The following TDP1 variants were observed in gnomAD, a reference collection of about 807,000 sequenced individuals.
The protein encoded by TDP1 is tyr-DNA phosphodiesterase 1.
A neutral mutation model predicts 81.5 loss-of-function variants in TDP1; 64 were observed. The observed-to-expected ratio is 0.79, with a 90% CI of 0.64 to 0.97. TDP1 has a LOEUF of 0.97. Ranked by LOEUF, TDP1 falls within the 50% of genes least tolerant of loss-of-function variation. The pLI is 0.00. For missense variants in TDP1, 723 were observed against 743.8 expected (o/e 0.97, Z 0.33); for synonymous variants, 256 against 264.3 (o/e 0.97, Z 0.30).
intron 14 of TDP1, among the ~76,000 whole-genome samples, chr14:90,015,937 C>A (rs570423682): frequency 5.3e-5 from 8 of 152,308 alleles, no homozygotes; most frequent in Non-Finnish European, 1.0e-4. Flanking sequence ...CTTGTCTACC[C>A]TCAACCACAA....
chr14:89,982,826 A>C (rs1895145616), intron 8 of TDP1, among the ~76,000 whole-genome samples: 1 of 152,042 alleles, frequency 6.6e-6, no homozygotes, highest in South Asian at 2.1e-4. Context: ...TTTGCATTTC[A>C]TGTTATTTGT....
chr14:90,000,096 C>G lies in TDP1; in HGVS notation c.1541+6613C>G, dbSNP rs1301654050. ...GCTCACGGTTGCTTGTGGCTGTAAG[C>G]CTGACGTTCCTGCTTTCTTGTTGGC... On this transcript the variant is annotated intron_variant, in intron 14 of 16. Coordinates refer to ENST00000335725, the MANE Select transcript of TDP1 (RefSeq NM_018319.4). Among the ~76,000 whole-genome samples the G allele has an allele frequency of 2.0e-5, 3 of 152,080 alleles. No individual in the cohort carries two copies. The East Asian group carries it at 5.8e-4, about 29-fold the overall frequency.
intron 4 of TDP1, chr14:89,967,057 T>C (rs921751568): frequency 1.0e-6 from 1 of 984,996 alleles, no homozygotes; most frequent in African/African-American, 1.7e-5. Context: ...TTTAAATTAA[T>C]CTCAGGGCCA....
intron 15 of TDP1, chr14:90,032,722 T>C: frequency 1.0e-6 from 1 of 984,940 alleles, no homozygotes; most frequent in Non-Finnish European, 1.2e-6. Context: ...GGCAGCCTGT[T>C]ACTATAGCAA....
chr14:90,025,313 A>C (rs552701249), intron 15 of TDP1, among the ~76,000 whole-genome samples: 4 of 152,202 alleles, frequency 2.6e-5, no homozygotes, highest in Non-Finnish European at 5.9e-5. Flanking sequence ...AGCATTTCCC[A>C]TTCATGATAA....
intron 8 of TDP1, among the ~76,000 whole-genome samples, chr14:89,980,962 G>A (rs546043404): frequency 6.6e-6 from 1 of 152,250 alleles, no homozygotes; most frequent in South Asian, 2.1e-4. Context: ...TAAGTAGAGG[G>A]CACAGCACAT....
chr14:89,982,082 G>A (rs1396686212), intron 8 of TDP1, among the ~76,000 whole-genome samples: 1 of 152,110 alleles, frequency 6.6e-6, no homozygotes, highest in Admixed American at 6.6e-5. Flanking sequence ...GTCCTTCAGA[G>A]TTTGAAAGGG....
At chr14:90,011,426 C>G (rs1421915416) in intron 14 of TDP1, among the ~76,000 whole-genome samples, 1 of 152,062 alleles carries the variant, frequency 6.6e-6, no homozygotes, top group Non-Finnish European at 1.5e-5. Context: ...TGGGAACTTC[C>G]TAGAGACTTG....
chr14:89,974,584 G>T (rs529674995), intron 6 of TDP1, among the ~76,000 whole-genome samples: 2 of 152,278 alleles, frequency 1.3e-5, no homozygotes, highest in African/African-American at 4.8e-5. Flanking sequence ...AGGAGGCTGG[G>T]GTAGGTAGTG....
At chr14:89,976,095 CT>C (rs779951898) in intron 7 of TDP1, among the ~76,000 whole-genome samples, 9 of 152,164 alleles carry the variant, frequency 5.9e-5, no homozygotes, top group Non-Finnish European at 1.2e-4. Flanking sequence ...TTTATTCTAA[CT>C]TTAATTAATA....
chr14:90,001,783 A>G (rs1897208211), intron 14 of TDP1, among the ~76,000 whole-genome samples: 1 of 151,908 alleles, frequency 6.6e-6, no homozygotes, highest in Non-Finnish European at 1.5e-5. Flanking sequence ...AGGCATAATT[A>G]TTTTTTCCTT....
intron 5 of TDP1, among the ~76,000 whole-genome samples, chr14:89,968,163 T>C (rs1480507180): frequency 1.6e-5 from 2 of 124,980 alleles, no homozygotes. Context: ...CTTGGGGCTT[T>C]TTTTTTTTTT....
In TDP1 at chr14:89,980,641, G is replaced by A. The variant is rs1480560974; in HGVS notation, c.884+9G>A. 2 of 1,611,368 alleles carry A rather than the reference G, an allele frequency of 1.2e-6. No homozygotes were observed. Among genetic ancestry groups the A allele is most frequent in the South Asian group, 2.2e-5 (2 of 91,002 alleles). On this transcript the variant is annotated intron_variant, in intron 8 of 16. Coordinates refer to ENST00000335725, the MANE Select transcript of TDP1 (RefSeq NM_018319.4). ...CACCAGAAAACTCAAGGGTTCGTAG[G>A]GGCCTGCTCACTTCCTGGCAGTGTG... is the stretch of plus-strand genomic sequence containing the variant.
intron 5 of TDP1, among the ~76,000 whole-genome samples, chr14:89,970,410 A>G (rs1893480590): frequency 6.6e-6 from 1 of 152,184 alleles, no homozygotes; most frequent in Non-Finnish European, 1.5e-5. Flanking sequence ...TCCTGGGTCT[A>G]GCTCAGTACA....
intron 16 of TDP1, among the ~76,000 whole-genome samples, chr14:90,035,535 A>G (rs991901849): frequency 9.2e-5 from 14 of 151,846 alleles, no homozygotes; most frequent in African/African-American, 3.1e-4. Flanking sequence ...ACAACTTACT[A>G]AATAGACTTG....
At chr14:90,029,550 G>C (rs553992176) in intron 15 of TDP1, among the ~76,000 whole-genome samples, 2 of 146,962 alleles carry the variant, frequency 1.4e-5, no homozygotes, top group Admixed American at 6.9e-5. Context: ...CTAGGCTGGA[G>C]TACAGTGGCT....
intron 9 of TDP1, 66 bp downstream of exon 9, chr14:89,984,749 C>G (rs1895367884): frequency 1.2e-6 from 2 of 1,604,670 alleles, no homozygotes; most frequent in Admixed American, 3.3e-5. Context: ...CTCATGAGGT[C>G]TGGCATGCAG....
chr14:89,971,241 C>T lies in TDP1; in HGVS notation c.726C>T (p.Ala242=), dbSNP rs1239960924. 7 of 1,613,978 alleles carry T rather than the reference C, an allele frequency of 4.3e-6. No homozygotes were observed. The highest frequency in any genetic ancestry group is 5.1e-6 in the Non-Finnish European group (6 of 1,179,968). Residue 242 remains alanine (A), a synonymous_variant, in exon 6 of 17, where the codon GCC becomes GCT. Coordinates refer to ENST00000335725, the MANE Select transcript of TDP1 (RefSeq NM_018319.4). ...CTAAGGCTCACCTCCATGCCCAGGC[C>T]AAGCCTTACGAGAACATCTCTCTCT... is the stretch of plus-strand genomic sequence containing the variant. ...REAKAHLHAQ[A]KPYENISLCQ... is the part of the protein sequence containing the mutation.
intron 2 of TDP1, among the ~76,000 whole-genome samples, chr14:89,961,747 T>C (rs1311563018): frequency 6.6e-6 from 1 of 152,248 alleles, no homozygotes; most frequent in Non-Finnish European, 1.5e-5. Flanking sequence ...TGTATTGATT[T>C]GCAAATCTTT....
Sources: allele counts gnomAD v4.1 joint callset (sites outside exome capture counted in the v4.1 genomes callset), GRCh38; gene constraint gnomAD v4.1.1; transcripts MANE v1.5; gene names NCBI Gene and HGNC (gene_info 2026-07-23, HGNC 2026-07-21).